The following TOLLIP variants were observed in gnomAD, a reference collection of about 807,000 sequenced individuals.
TOLLIP encodes the protein toll-interacting protein.
A neutral mutation model predicts 33.5 loss-of-function variants in TOLLIP; 16 were observed. The ratio of observed to expected loss-of-function variants is 0.48; its 90% CI spans 0.32 to 0.72. The LOEUF (loss-of-function observed/expected upper bound fraction) is 0.72. Ranked by LOEUF, TOLLIP falls within the 30% of genes least tolerant of loss-of-function variation. TOLLIP has a pLI of 0.03. For missense variants in TOLLIP, 325 were observed against 396.6 expected, an observed-to-expected ratio of 0.82 and a Z score of 1.53; for synonymous variants, 176 against 163.7, an observed-to-expected ratio of 1.07 and a Z score of -0.57.
intron 5 of TOLLIP, among the ~76,000 whole-genome samples, chr11:1,284,489 C>T (rs1347365978): frequency 6.6e-6 from 1 of 152,136 alleles, no homozygotes; most frequent in Non-Finnish European, 1.5e-5. Context: ...GCTGGGACTA[C>T]AGGCGCCCAC....
chr11:1,294,551 C>T (rs879124330), intron 2 of TOLLIP, among the ~76,000 whole-genome samples: 1 of 1,258 alleles, frequency 7.9e-4, no homozygotes. Context: ...TGTCTCCTTT[C>T]CCTGCATTTC....
chr11:1,280,014 TTA>T (rs1320920378), intron 5 of TOLLIP, among the ~76,000 whole-genome samples: 1 of 152,204 alleles, frequency 6.6e-6, no homozygotes, highest in Non-Finnish European at 1.5e-5. Context: ...CCACAGAGCG[TTA>T]TCACAAAGAA....
At chr11:1,281,481 A>G (rs1001763221) in intron 5 of TOLLIP, among the ~76,000 whole-genome samples, 1 of 152,128 alleles carries the variant, frequency 6.6e-6, no homozygotes, top group Non-Finnish European at 1.5e-5. Context: ...ACACCACGGG[A>G]GGCTCTCGGG....
rs1355231827 is a variant in TOLLIP, at chr11:1,291,299, C to T, written c.184-890G>A. On this transcript the variant is annotated intron_variant, in intron 2 of 5. Coordinates refer to ENST00000317204, the MANE Select transcript of TOLLIP (RefSeq NM_019009.4). ...TCCTGCCTGGAATGCAGACGGCCTC[C>T]CTGTACCACTGCCACCCGCTCTCCT... 2.6e-5 allele frequency: 4 copies of T among 152,612 alleles called. No individual in the cohort carries two copies. The East Asian group carries it at 7.7e-4, about 29-fold the overall frequency. The allele number at this position is 152,612 out of a possible 1,614,324, so 9.5% of individuals were successfully genotyped here.
chr11:1,299,899 G>A (rs1564978665), intron 1 of TOLLIP, among the ~76,000 whole-genome samples: 1 of 152,204 alleles, frequency 6.6e-6, no homozygotes, highest in South Asian at 2.1e-4. Context: ...GGTCCCTGCC[G>A]CGAACACATG....
intron 2 of TOLLIP, among the ~76,000 whole-genome samples, chr11:1,293,956 G>A (rs1864029653): frequency 6.6e-6 from 1 of 152,384 alleles, no homozygotes; most frequent in East Asian, 1.9e-4. Context: ...AAGGGGTGAC[G>A]GTGTAGCTGT....
At chr11:1,280,421 G>C (rs1863455509) in intron 5 of TOLLIP, among the ~76,000 whole-genome samples, 1 of 152,298 alleles carries the variant, frequency 6.6e-6, no homozygotes, top group African/African-American at 2.4e-5. Flanking sequence ...TTCATGTCCT[G>C]GTCTGGTTGG....
rs754769806 is a variant in TOLLIP, at chr11:1,290,431, G to A, written c.184-22C>T. On this transcript the variant is annotated intron_variant, in intron 2 of 5. Coordinates refer to ENST00000317204, the MANE Select transcript of TOLLIP (RefSeq NM_019009.4). This position sits in a 1 kb window ranked among gnomAD's most constrained non-coding sequence, Gnocchi z 4.9. Reference sequence around the variant, plus strand: ...TTGCCTGGAATGAAGCCAATGTCAGGAAAAGGAGGTGCCAACCATCAGGAG... The same window carrying A: ...TTGCCTGGAATGAAGCCAATGTCAGAAAAAGGAGGTGCCAACCATCAGGAG... The A allele has an allele frequency of 8.1e-6, 13 of 1,607,394 alleles. No individual in the cohort carries two copies. In the East Asian group the frequency reaches 2.7e-4, roughly 33 times the overall value.
Position 1,289,915 on chromosome 11 carries a change from C to T in TOLLIP, c.366+312G>A, listed in dbSNP as rs2292635. Among the ~76,000 whole-genome samples, 2,283 of 152,120 alleles carry T rather than the reference C, an allele frequency of 0.015. 69 individuals are homozygous for T. The East Asian group carries it at 0.2, about 13-fold the overall frequency. ...GAGGGGACACGTGCACGCTCTGTCC[C>T]TGGAAATCCCACCTGCTGGTGAGCG... On this transcript the variant is annotated intron_variant, in intron 3 of 5. Coordinates refer to ENST00000317204, the MANE Select transcript of TOLLIP (RefSeq NM_019009.4).
chr11:1,304,985 G>A (rs537375892), intron 1 of TOLLIP, among the ~76,000 whole-genome samples: 1 of 152,162 alleles, frequency 6.6e-6, no homozygotes, highest in African/African-American at 2.4e-5. Flanking sequence ...GATGGTGCAC[G>A]TGTCTTAAAC....
At chr11:1,288,430 G>A (rs775632629) in intron 4 of TOLLIP, among the ~76,000 whole-genome samples, 194 bp downstream of exon 4, 2 of 152,244 alleles carry the variant, frequency 1.3e-5, no homozygotes, top group Non-Finnish European at 2.9e-5. Context: ...ATGGGCAGGA[G>A]CAGTGGGCAG....
intron 5 of TOLLIP, among the ~76,000 whole-genome samples, chr11:1,284,746 G>A (rs552488563): frequency 4.6e-5 from 7 of 152,210 alleles, no homozygotes; most frequent in Non-Finnish European, 5.9e-5. Context: ...TGGCACCTGC[G>A]CGGGCGGCTT....
rs180703833 is a variant in TOLLIP, at chr11:1,278,901, G to A, written c.611-1648C>T. On this transcript the variant is annotated intron_variant, in intron 5 of 5. Transcript: ENST00000317204. This position sits in a 1 kb window ranked among gnomAD's most constrained non-coding sequence, Gnocchi z 4.7. Reference sequence around the variant, plus strand: ...TTTTTGGGCGCCCCGGCTGGCAGGCGGGCAGGAACTTGGCCATCACCTGTC... The same window carrying A: ...TTTTTGGGCGCCCCGGCTGGCAGGCAGGCAGGAACTTGGCCATCACCTGTC... Among the ~76,000 whole-genome samples the A allele has an allele frequency of 5.0e-4, 76 of 152,298 alleles. No individual in the cohort carries two copies. Among genetic ancestry groups the A allele is most frequent in the Non-Finnish European group, 9.6e-4 (65 of 68,030 alleles).
chr11:1,297,457 C>T (rs1191825741), intron 1 of TOLLIP, among the ~76,000 whole-genome samples: 1 of 152,258 alleles, frequency 6.6e-6, no homozygotes, highest in African/African-American at 2.4e-5. Flanking sequence ...CGAGCAGTTA[C>T]GGACTCAGGA....
intron 1 of TOLLIP, among the ~76,000 whole-genome samples, chr11:1,297,484 G>A (rs1366243955): frequency 6.6e-6 from 1 of 152,258 alleles, no homozygotes; most frequent in East Asian, 1.9e-4. Flanking sequence ...AGTTCGGGAA[G>A]CTCTCTGCAG....
rs748466457 is a variant in TOLLIP at position 1,288,729 on chromosome 11, G to A, written c.414C>T (p.Ile138=). The part of the protein sequence containing the change: ...DDRIAWTHIT[I]PESLRQGKVE... The stretch of plus-strand genomic sequence containing the variant: ...CCTTGCCCTGCCTCAGGGACTCCGG[G>A]ATGGTGATGTGGGTCCAGGCAATGC... The change falls in exon 4 of 6, where the codon ATC becomes ATT. Residue 138 remains isoleucine (I), a synonymous_variant. Transcript: ENST00000317204. The A allele has an allele frequency of 1.2e-6, 2 of 1,612,904 alleles. No homozygotes were observed. Among genetic ancestry groups the A allele is most frequent in the South Asian group, 2.2e-5 (2 of 91,082 alleles).
chr11:1,286,885 G>A lies in TOLLIP; in HGVS notation c.520-793C>T, dbSNP rs111352533. ...TCCACTGCAGATAAGTCACTGCACT[G>A]CTGTCTCCTGAGTTCAAAACTGTCC... On this transcript the variant is annotated intron_variant, in intron 4 of 5. Transcript: ENST00000317204. Among the ~76,000 whole-genome samples the A allele has an allele frequency of 1.3e-3, 193 of 150,098 alleles. 4 individuals carry two copies. Among genetic ancestry groups the A allele is most frequent in the African/African-American group, 4.6e-3 (187 of 40,668 alleles).
At chr11:1,280,221 C>A (rs992016851) in intron 5 of TOLLIP, among the ~76,000 whole-genome samples, 2 of 152,210 alleles carry the variant, frequency 1.3e-5, no homozygotes, top group African/African-American at 4.8e-5. Context: ...ATTCCACGTG[C>A]GAGGGGAAGC....
In TOLLIP at chr11:1,278,089, C is replaced by T. The variant is rs1243679954; in HGVS notation, c.611-836G>A. 6.6e-6 allele frequency among the ~76,000 whole-genome samples: 1 copy of T among 152,210 alleles called. No homozygotes were observed. Among genetic ancestry groups the T allele is most frequent in the African/African-American group, 2.4e-5 (1 of 41,452 alleles). ...CGGTTCAGCCACTGCAGCACACACA[C>T]CCCTGAAGGCACCGTGTGGCCGGAC... On this transcript the variant is annotated intron_variant, in intron 5 of 5. Coordinates refer to ENST00000317204, the MANE Select transcript of TOLLIP (RefSeq NM_019009.4). This position sits in a 1 kb window ranked among gnomAD's most constrained non-coding sequence, Gnocchi z 4.7.
Sources: allele counts gnomAD v4.1 joint callset (sites outside exome capture counted in the v4.1 genomes callset), GRCh38; gene constraint gnomAD v4.1.1; non-coding constraint Gnocchi (gnomAD v3.1); transcripts MANE v1.5; gene names NCBI Gene and HGNC (gene_info 2026-07-23, HGNC 2026-07-21).